Variants in HERC4 observed in about 807,000 individuals in gnomAD.
HERC4 encodes HECT and RLD domain containing E3 ubiquitin protein ligase 4.
A neutral mutation model predicts 124.3 loss-of-function variants in HERC4; 28 were observed. That is an observed-to-expected ratio of 0.23 (90% confidence interval 0.17 to 0.31). HERC4 has a LOEUF of 0.31. Ranked by LOEUF, HERC4 falls within the 10% of genes least tolerant of loss-of-function variation. HERC4 has a pLI of 1.00. For missense variants in HERC4, 713 were observed against 1,229.3 expected (o/e 0.58, Z 6.28); for synonymous variants, 407 against 421.5 (o/e 0.97, Z 0.42).
chr10:68,030,297 C>T (rs899604383), intron 7 of HERC4, among the ~76,000 whole-genome samples: 26 of 151,764 alleles, frequency 1.7e-4, no homozygotes, highest in African/African-American at 5.8e-4. Context: ...AAAAAATAGC[C>T]GGGTGTGATC....
intron 14 of HERC4, among the ~76,000 whole-genome samples, chr10:67,989,123 A>G (rs182347028): frequency 6.6e-6 from 1 of 152,188 alleles, no homozygotes; most frequent in East Asian, 1.9e-4. Context: ...TCACCACTAT[A>G]CCTAATATTA....
chr10:67,983,546 G>A (rs555747844), intron 15 of HERC4, among the ~76,000 whole-genome samples: 3 of 152,206 alleles, frequency 2.0e-5, no homozygotes, highest in East Asian at 3.9e-4. Context: ...TTGGGATGCT[G>A]AGGTGGGCGG....
At chr10:67,979,144 G>A (rs554870118) in intron 15 of HERC4, among the ~76,000 whole-genome samples, 14 of 152,088 alleles carry the variant, frequency 9.2e-5, no homozygotes, top group Non-Finnish European at 1.5e-4. Context: ...AACAAAATAA[G>A]GCACCAAAGA....
At position 67,927,399 on chromosome 10, in the gene HERC4, TA is replaced by T. The variant is rs1564910436; in HGVS notation, c.2839-2213del. 5.1e-3 allele frequency among the ~76,000 whole-genome samples: 40 copies of T among 7,834 alleles called. 3 individuals are homozygous for T. Among genetic ancestry groups the T allele is most frequent in the South Asian group, 0.013 (5 of 380 alleles). 5.1% of individuals were successfully genotyped at this position (7,834 alleles called of 152,430 possible). ...TACACCATATATATATATATATATA[TA>T]TATATATATATATATATATATATAT... On this transcript the variant is annotated intron_variant, in intron 23 of 24. Coordinates refer to ENST00000373700, the MANE Select transcript of HERC4 (RefSeq NM_015601.4).
At chr10:67,967,958 T>G (rs918200629) in intron 15 of HERC4, among the ~76,000 whole-genome samples, 1 of 151,930 alleles carries the variant, frequency 6.6e-6, no homozygotes, top group African/African-American at 2.4e-5. Flanking sequence ...CTAGAGGAAT[T>G]CTGGTACTAA....
intron 5 of HERC4, 24 bp from the exon 6 acceptor site, chr10:68,034,210 T>G (rs369044056): frequency 2.0e-4 from 310 of 1,532,010 alleles, no homozygotes; most frequent in Admixed American, 4.3e-4. Context: ...ATGGAAAAAT[T>G]AACCATTTTT....
At chr10:68,013,016 C>T (rs1564546488) in intron 9 of HERC4, among the ~76,000 whole-genome samples, 1 of 152,010 alleles carries the variant, frequency 6.6e-6, no homozygotes, top group East Asian at 1.9e-4. Context: ...ACAGGCATGC[C>T]GCATTTTATT....
At chr10:67,938,387 G>A (rs1230885798) in intron 21 of HERC4, among the ~76,000 whole-genome samples, 1 of 150,244 alleles carries the variant, frequency 6.7e-6, no homozygotes, top group Non-Finnish European at 1.5e-5. Flanking sequence ...GTTGCAATGA[G>A]CCGAGATTGC....
intron 11 of HERC4, among the ~76,000 whole-genome samples, chr10:67,991,635 T>A (rs1419535246): frequency 6.6e-6 from 1 of 152,148 alleles, no homozygotes; most frequent in Non-Finnish European, 1.5e-5. Flanking sequence ...ATACAACCCA[T>A]CATCCCAAAT....
At chr10:68,033,003 A>C in intron 6 of HERC4, 134 bp from the exon 7 acceptor site, 2 of 611,260 alleles carry the variant, frequency 3.3e-6, no homozygotes, top group Non-Finnish European at 5.9e-6. Flanking sequence ...ATGATTTTGT[A>C]GTACAAGCTT....
In HERC4 at chr10:67,922,871, C is replaced by T; in HGVS notation, c.*60G>A. ...TGTCACCTTGCTGAATTCATCACCA[C>T]AAGAAAAACACAAATAGTTTAATGC... On this transcript the variant is annotated 3_prime_UTR_variant, in exon 25 of 25. Coordinates refer to ENST00000373700, the MANE Select transcript of HERC4 (RefSeq NM_015601.4). The T allele has an allele frequency of 8.3e-7, 1 of 1,199,704 alleles. No individual in the cohort carries two copies. The highest frequency in any genetic ancestry group is 1.2e-6 in the Non-Finnish European group (1 of 842,094). 74.3% of individuals were successfully genotyped at this position (1,199,704 alleles called of 1,614,324 possible).
chr10:68,007,356 G>C (rs2037635706), intron 9 of HERC4, among the ~76,000 whole-genome samples: 1 of 152,056 alleles, frequency 6.6e-6, no homozygotes, highest in South Asian at 2.1e-4. Context: ...ATAGGATTCT[G>C]AACTTCCTCT....
rs2036218152 is a variant in HERC4, at chr10:67,985,655, A to G, written c.1806+3008T>C. ...TCTCTTTTGGCATACCAGCATGTCT[A>G]TAATGTACTACGTGGAACTCGGAAA... On this transcript the variant is annotated intron_variant, in intron 15 of 24. Coordinates refer to ENST00000373700, the MANE Select transcript of HERC4 (RefSeq NM_015601.4). Among the ~76,000 whole-genome samples, 6 of 152,350 alleles carry G rather than the reference A, an allele frequency of 3.9e-5. No homozygotes were observed. The South Asian group carries it at 1.0e-3, about 26-fold the overall frequency.
intron 22 of HERC4, 28 bp from the exon 23 acceptor site, chr10:67,932,808 G>C (rs368544913): frequency 1.3e-5 from 20 of 1,547,174 alleles, no homozygotes; most frequent in Non-Finnish European, 1.7e-5. Flanking sequence ...CACATGTACA[G>C]ATTATAAAAA....
chr10:68,056,776 GA>G (rs1277679616), intron 3 of HERC4, among the ~76,000 whole-genome samples: 2 of 152,100 alleles, frequency 1.3e-5, no homozygotes, highest in East Asian at 3.8e-4. Flanking sequence ...GAGAGAGGAG[GA>G]AACTAAGGAC....
chr10:68,029,461 C>A (rs2039078074), intron 7 of HERC4, among the ~76,000 whole-genome samples: 1 of 151,520 alleles, frequency 6.6e-6, no homozygotes, highest in African/African-American at 2.4e-5. Flanking sequence ...CACTGTACTC[C>A]AGACTGGGTG....
At chr10:68,063,359 C>T (rs2041131658) in intron 3 of HERC4, among the ~76,000 whole-genome samples, 2 of 152,110 alleles carry the variant, frequency 1.3e-5, no homozygotes, top group Admixed American at 6.5e-5. Context: ...ACAGGCACAC[C>T]ACCATGCCCA....
intron 8 of HERC4, 109 bp downstream of exon 8, chr10:68,025,437 G>A: frequency 8.1e-7 from 1 of 1,229,288 alleles, no homozygotes; most frequent in South Asian, 1.8e-5. Flanking sequence ...AGGTATTTGG[G>A]GGCAGAATGT....
At chr10:67,990,456 GAA>G (rs11422655) in intron 13 of HERC4, 56 bp from the exon 14 acceptor site, 216 of 615,098 alleles carry the variant, frequency 3.5e-4, no homozygotes, top group South Asian at 5.0e-4. Flanking sequence ...CACTTTCAAA[GAA>G]AAAAAAAAAA....
Sources: allele counts gnomAD v4.1 joint callset (sites outside exome capture counted in the v4.1 genomes callset), GRCh38; gene constraint gnomAD v4.1.1; transcripts MANE v1.5; gene names NCBI Gene and HGNC (gene_info 2026-07-23, HGNC 2026-07-21).